The following UGDH variants were observed in gnomAD, a reference collection of about 807,000 sequenced individuals.
UGDH encodes UDP-Glc dehydrogenase.
Under a neutral mutation model 50.6 loss-of-function variants are expected in UGDH, and 38 were observed. The observed-to-expected ratio is 0.75, with a 90% CI of 0.58 to 0.98. The LOEUF is 0.98. Ranked by LOEUF, UGDH falls within the 50% of genes least tolerant of loss-of-function variation. The pLI, the probability that UGDH is intolerant of heterozygous loss-of-function variation, is 0.00. For missense variants in UGDH, 465 were observed against 606.2 expected (o/e 0.77, Z 2.45); for synonymous variants, 168 against 199.9 (o/e 0.84, Z 1.35).
Position 39,499,995 on chromosome 4 carries a change from A to C in UGDH, c.*148T>G, listed in dbSNP as rs1475912172. The C allele has an allele frequency of 3.9e-6, 2 of 513,442 alleles. No homozygotes were observed. The highest frequency in any genetic ancestry group is 3.9e-5 in the African/African-American group (2 of 51,514). The allele number at this position is 513,442 out of a possible 1,614,324, so 31.8% of individuals were successfully genotyped here. ...CAGTGAGCCGAGATTGCACCACTGCACTCCAGCCTGGGCAACAGTGAGACT... is the reference window on the plus strand; with the variant it reads ...CAGTGAGCCGAGATTGCACCACTGCCCTCCAGCCTGGGCAACAGTGAGACT... On this transcript the variant is annotated 3_prime_UTR_variant, in exon 12 of 12. Coordinates refer to ENST00000316423, the MANE Select transcript of UGDH (RefSeq NM_003359.4).
intron 11 of UGDH, among the ~76,000 whole-genome samples, chr4:39,500,906 G>A (rs904108047): frequency 4.6e-5 from 7 of 151,520 alleles, no homozygotes; most frequent in African/African-American, 1.7e-4. Flanking sequence ...TGCCTGCCTC[G>A]GCCTCCCAGA....
At chr4:39,520,661 C>A (rs2109944714) in intron 2 of UGDH, among the ~76,000 whole-genome samples, 1 of 151,436 alleles carries the variant, frequency 6.6e-6, no homozygotes, top group African/African-American at 2.4e-5. Context: ...GTAAAATAAT[C>A]CAAAAATATA....
At position 39,499,802 on chromosome 4, in the gene UGDH, G is replaced by A. The variant is rs189575810; in HGVS notation, c.*341C>T. 1.1e-3 allele frequency: 188 copies of A among 167,752 alleles called. 1 individual carries two copies. The highest frequency in any genetic ancestry group is 4.4e-3 in the African/African-American group (185 of 41,896). 10.4% of individuals were successfully genotyped at this position (167,752 alleles called of 1,614,324 possible). ...TCCCAGCACTTTGGGAGGCCGAGACGGGTGGTTCACAAGGTCAGGAGATTG... is the reference window on the plus strand; with the variant it reads ...TCCCAGCACTTTGGGAGGCCGAGACAGGTGGTTCACAAGGTCAGGAGATTG... On this transcript the variant is annotated 3_prime_UTR_variant, in exon 12 of 12. Coordinates refer to ENST00000316423, the MANE Select transcript of UGDH (RefSeq NM_003359.4).
At chr4:39,524,590 C>T (rs1746801503) in intron 1 of UGDH, among the ~76,000 whole-genome samples, 1 of 152,000 alleles carries the variant, frequency 6.6e-6, no homozygotes, top group African/African-American at 2.4e-5. Context: ...GCAGCCTCCG[C>T]CTCCCAGGTT....
chr4:39,508,682 C>A (rs766341223), intron 6 of UGDH, 22 bp from the exon 7 acceptor site: 4 of 1,575,710 alleles, frequency 2.5e-6, no homozygotes, highest in East Asian at 4.7e-5. Flanking sequence ...AAAAAATGAA[C>A]AATATTTTCA....
intron 1 of UGDH, 125 bp from the exon 2 acceptor site, chr4:39,521,644 T>C (rs1381408210): frequency 6.4e-6 from 5 of 776,692 alleles, no homozygotes; most frequent in Non-Finnish European, 9.2e-6. Flanking sequence ...ATTTCCTACA[T>C]TCGCTCTGAG....
At chr4:39,510,921 A>G (rs1746222599) in intron 3 of UGDH, 60 bp from the exon 4 acceptor site, 1 of 1,536,628 alleles carries the variant, frequency 6.5e-7, no homozygotes, top group African/African-American at 1.4e-5. Context: ...TTCAAGATAT[A>G]CCCTGAACTA....
chr4:39,500,709 T>G (rs1338209830), intron 11 of UGDH, among the ~76,000 whole-genome samples: 1 of 148,676 alleles, frequency 6.7e-6, no homozygotes. Context: ...TAGGCTGGAG[T>G]GCAGTGGCCT....
At chr4:39,502,939 C>T (rs1386418781) in intron 11 of UGDH, among the ~76,000 whole-genome samples, 3 of 151,804 alleles carry the variant, frequency 2.0e-5, no homozygotes, top group Non-Finnish European at 4.4e-5. Flanking sequence ...TTTCCCAAAA[C>T]GGAGTCTTGC....
rs765048353 is a variant in UGDH at position 39,510,413 on chromosome 4, G to T, written c.603C>A (p.His201Gln). 6.2e-7 allele frequency: 1 copy of T among 1,614,066 alleles called. No individual in the cohort carries two copies. The highest frequency in any genetic ancestry group is 2.2e-5 in the East Asian group (1 of 44,894). ...TGAGGATCTTTTCTCTGGGAACCCA[G>T]TGCTCATATACAGCACACAGGGCCT... is the stretch of plus-strand genomic sequence containing the variant. ...AVQALCAVYE[H>Q]WVPREKILTT... Residue 201 changes from histidine (H) to glutamine (Q), a missense_variant, in exon 5 of 12, where the codon CAC becomes CAA. By Grantham distance (24) the His-to-Gln change is conservative (BLOSUM62 0). Coordinates refer to ENST00000316423, the MANE Select transcript of UGDH (RefSeq NM_003359.4).
In UGDH at chr4:39,503,882, C is replaced by G; in HGVS notation, c.1367G>C (p.Gly456Ala). The G allele has an allele frequency of 1.9e-6, 3 of 1,613,638 alleles. No homozygotes were observed. Among genetic ancestry groups the G allele is most frequent in the Non-Finnish European group, 2.5e-6 (3 of 1,179,824 alleles). Residue 456 changes from glycine (G) to alanine (A), a missense_variant, in exon 11 of 12, where the codon GGC (glycine) becomes GCC (alanine). Transcript: ENST00000316423. ...ATCCAGGATCATGATTACCTGGAAG[C>G]CAATGGTTTGTAGTTCATTGTGGAG... is the stretch of plus-strand genomic sequence containing the variant. Reference protein sequence around the residue: ...DGLHNELQTIGFQIETIGKKV... With the variant: ...DGLHNELQTIAFQIETIGKKV...
At chr4:39,525,391 A>G (rs921266025) in intron 1 of UGDH, among the ~76,000 whole-genome samples, 3 of 151,850 alleles carry the variant, frequency 2.0e-5, no homozygotes, top group African/African-American at 4.8e-5. Flanking sequence ...ACGGGGTTTC[A>G]CCATATTGGT....
intron 6 of UGDH, among the ~76,000 whole-genome samples, chr4:39,509,417 T>G (rs1219928811): frequency 1.3e-5 from 2 of 152,236 alleles, no homozygotes; most frequent in Non-Finnish European, 2.9e-5. Flanking sequence ...TGTAGTCTAA[T>G]GGTCATGGCT....
Position 39,522,945 on chromosome 4 carries a change from T to A in UGDH, c.-7-1426A>T, listed in dbSNP as rs553006251. On this transcript the variant is annotated intron_variant, in intron 1 of 11. Coordinates refer to ENST00000316423, the MANE Select transcript of UGDH (RefSeq NM_003359.4). ...GCCCAGCTAATTTTTGTATTTTTAG[T>A]AGAGATGGGGTTTCACCATGTTGGT... Among the ~76,000 whole-genome samples the A allele has an allele frequency of 6.6e-5, 10 of 152,022 alleles. No homozygotes were observed. In the East Asian group the frequency reaches 1.9e-3, roughly 29 times the overall value.
chr4:39,521,780 A>G (rs925192910), intron 1 of UGDH, among the ~76,000 whole-genome samples: 3 of 152,010 alleles, frequency 2.0e-5, no homozygotes, highest in African/African-American at 7.2e-5. Flanking sequence ...GGGAGCCACA[A>G]AGATTATAAT....
intron 6 of UGDH, among the ~76,000 whole-genome samples, chr4:39,509,214 A>G (rs189121876): frequency 4.0e-5 from 6 of 151,560 alleles, no homozygotes; most frequent in African/African-American, 1.2e-4. Context: ...TCCTAGGCTC[A>G]AGCAATTTGC....
chr4:39,503,643 G>A (rs1051841796), intron 11 of UGDH, among the ~76,000 whole-genome samples: 5 of 152,158 alleles, frequency 3.3e-5, no homozygotes, highest in Non-Finnish European at 7.3e-5. Flanking sequence ...CACACAATGG[G>A]TTTAAAAAGC....
intron 1 of UGDH, chr4:39,527,077 G>C: frequency 7.8e-7 from 1 of 1,289,408 alleles, no homozygotes; most frequent in Non-Finnish European, 1.0e-6. Flanking sequence ...AAGCCCAGAC[G>C]ACCACATCCC....
At chr4:39,519,600 G>A (rs577975648) in intron 2 of UGDH, among the ~76,000 whole-genome samples, 4 of 152,128 alleles carry the variant, frequency 2.6e-5, no homozygotes, top group South Asian at 2.1e-4. Context: ...GTACAATGGC[G>A]TGATCTCGGC....
Sources: allele counts gnomAD v4.1 joint callset (sites outside exome capture counted in the v4.1 genomes callset), GRCh38; gene constraint gnomAD v4.1.1; transcripts MANE v1.5; gene names NCBI Gene and HGNC (gene_info 2026-07-23, HGNC 2026-07-21).